The following CNTN3 variants were observed in gnomAD, a reference collection of about 807,000 sequenced individuals.
CNTN3 encodes the protein contactin-3.
A neutral mutation model predicts 119.1 loss-of-function variants in CNTN3; 60 were observed. The ratio of observed to expected loss-of-function variants is 0.50; its 90% confidence interval spans 0.41 to 0.62. CNTN3 has a LOEUF of 0.62. Among genes scored for constraint, CNTN3 ranks in the 20% least tolerant of loss-of-function variants. The pLI is 0.00. For synonymous variants in CNTN3, 450 were observed against 438.7 expected, an observed-to-expected ratio of 1.03 and a Z score of -0.32; for missense variants, 1,101 against 1,242.4, an observed-to-expected ratio of 0.89 and a Z score of 1.71.
chr3:74,445,452 C>T (rs901634601), intron 4 of CNTN3, among the ~76,000 whole-genome samples: 6 of 151,910 alleles, frequency 3.9e-5, no homozygotes, highest in Admixed American at 2.0e-4. Context: ...TTAGTAGAGA[C>T]GGGGTTTCAC....
intron 20 of CNTN3, among the ~76,000 whole-genome samples, chr3:74,283,879 A>G (rs1367361348): frequency 6.6e-6 from 1 of 152,126 alleles, no homozygotes; most frequent in Non-Finnish European, 1.5e-5. Context: ...GGTATGAAAA[A>G]CAGGTAGATT....
At chr3:74,583,639 T>C (rs1704549728) in intron 1 of CNTN3, among the ~76,000 whole-genome samples, 1 of 152,198 alleles carries the variant, frequency 6.6e-6, no homozygotes, top group South Asian at 2.1e-4. Flanking sequence ...TATACCTTTC[T>C]ATGGGTACCT....
intron 4 of CNTN3, among the ~76,000 whole-genome samples, chr3:74,452,051 G>T (rs1463879599): frequency 6.8e-6 from 1 of 146,880 alleles, no homozygotes; most frequent in African/African-American, 2.6e-5. Context: ...ATTCTGTGAA[G>T]AAAGTCATTG....
At chr3:74,591,850 T>C (rs569821080) in intron 1 of CNTN3, among the ~76,000 whole-genome samples, 3 of 151,942 alleles carry the variant, frequency 2.0e-5, no homozygotes, top group East Asian at 3.9e-4. Flanking sequence ...TGGGCCTTGG[T>C]TGGCAATGTG....
chr3:74,554,267 A>G (rs1426436132), intron 1 of CNTN3, among the ~76,000 whole-genome samples: 2 of 152,022 alleles, frequency 1.3e-5, no homozygotes, highest in South Asian at 4.2e-4. Context: ...GTTCTGTTCC[A>G]TTGGTCTATA....
intron 5 of CNTN3, among the ~76,000 whole-genome samples, chr3:74,409,641 A>T (rs755992600): frequency 2.6e-5 from 4 of 152,094 alleles, no homozygotes; most frequent in Non-Finnish European, 5.9e-5. Context: ...CCTAGAAACT[A>T]TTCTTTGGAC....
At chr3:74,268,884 G>T (rs115837969) in intron 20 of CNTN3, among the ~76,000 whole-genome samples, 2,197 of 152,054 alleles carry the variant, frequency 0.014, 56 homozygotes, top group African/African-American at 0.051. Flanking sequence ...GTGTTTGGAG[G>T]TTACAAAAAG....
Position 74,297,997 on chromosome 3 carries a change from T to C in CNTN3, c.2361A>G (p.Gly787=), listed in dbSNP as rs936542762. 8.1e-6 allele frequency: 13 copies of C among 1,613,896 alleles called. No individual in the cohort carries two copies. Among genetic ancestry groups the C allele is most frequent in the Non-Finnish European group, 1.1e-5 (13 of 1,179,926 alleles). The change falls in exon 18 of 23, where the codon GGA becomes GGG. Residue 787 remains glycine (G), a synonymous_variant. Coordinates refer to ENST00000263665, the MANE Select transcript of CNTN3 (RefSeq NM_020872.3). ...ACACTGTTGTCACTGGGCTAAATGG[T>C]CCTTCACCTTTGTTATTATAAACAC... The part of the protein sequence containing the change: ...KVGVYNNKGE[G]PFSPVTTVFS...
intron 1 of CNTN3, among the ~76,000 whole-genome samples, chr3:74,542,571 CTAACAT>C (rs993776597): frequency 4.6e-5 from 7 of 152,218 alleles, no homozygotes; most frequent in African/African-American, 1.7e-4. Flanking sequence ...ATTAAGTACA[CTAACAT>C]TAACTATTCA....
rs1704480967 is a variant in CNTN3 at position 74,580,173 on chromosome 3, C to T, written c.-81+34218G>A. Reference sequence around the variant, plus strand: ...TATAAAGAACAAATTACTTCAAAGACACAATTATCACAGTTGATGCTAGGT... The same window carrying T: ...TATAAAGAACAAATTACTTCAAAGATACAATTATCACAGTTGATGCTAGGT... On this transcript the variant is annotated intron_variant, in intron 1 of 22. Coordinates refer to ENST00000263665, the MANE Select transcript of CNTN3 (RefSeq NM_020872.3). Among the ~76,000 whole-genome samples the T allele has an allele frequency of 2.0e-5, 3 of 152,124 alleles. 1 individual carries two copies. In the South Asian group the frequency reaches 6.2e-4, roughly 32 times the overall value.
chr3:74,416,917 G>A (rs963751222), intron 5 of CNTN3, among the ~76,000 whole-genome samples: 3 of 151,934 alleles, frequency 2.0e-5, no homozygotes, highest in Non-Finnish European at 2.9e-5. Context: ...GAACCCGGGA[G>A]GTGGAGGTTG....
At chr3:74,546,496 C>A (rs1444919139) in intron 1 of CNTN3, among the ~76,000 whole-genome samples, 1 of 152,152 alleles carries the variant, frequency 6.6e-6, no homozygotes, top group African/African-American at 2.4e-5. Context: ...GCCAGCACAG[C>A]TAGAATAAAA....
At chr3:74,292,039 C>T (rs1446406908) in intron 19 of CNTN3, among the ~76,000 whole-genome samples, 2 of 152,118 alleles carry the variant, frequency 1.3e-5, no homozygotes, top group African/African-American at 2.4e-5. Context: ...TCCTGTGACC[C>T]TCCAAGAAAC....
At chr3:74,337,502 G>A (rs1703426253) in intron 11 of CNTN3, among the ~76,000 whole-genome samples, 2 of 152,070 alleles carry the variant, frequency 1.3e-5, no homozygotes, top group South Asian at 2.1e-4. Flanking sequence ...GTTCCACGTG[G>A]CTGGGGAGGC....
At chr3:74,541,439 T>C (rs1193718695) in intron 1 of CNTN3, among the ~76,000 whole-genome samples, 1 of 152,132 alleles carries the variant, frequency 6.6e-6, no homozygotes, top group Non-Finnish European at 1.5e-5. Context: ...TTTACACATC[T>C]ACCTATTCAA....
At chr3:74,319,934 C>T (rs1027732216) in intron 13 of CNTN3, among the ~76,000 whole-genome samples, 1 of 152,240 alleles carries the variant, frequency 6.6e-6, no homozygotes, top group South Asian at 2.1e-4. Flanking sequence ...CCATCACTGG[C>T]CATCGGAGAA....
chr3:74,579,554 T>C (rs1467181809), intron 1 of CNTN3, among the ~76,000 whole-genome samples: 1 of 151,960 alleles, frequency 6.6e-6, no homozygotes, highest in African/African-American at 2.4e-5. Flanking sequence ...ATCACCCAAT[T>C]GAAATAATAA....
rs1274539668 is a variant in CNTN3, at chr3:74,344,396, G to GTTTTTT, written c.1365-7739_1365-7738insAAAAAA. Among the ~76,000 whole-genome samples, 8 of 87,812 alleles carry GTTTTTT rather than the reference G, an allele frequency of 9.1e-5. 4 individuals are homozygous for GTTTTTT. The highest frequency in any genetic ancestry group is 4.7e-5 in the Non-Finnish European group (2 of 43,006). 57.6% of individuals were successfully genotyped at this position (87,812 alleles called of 152,430 possible). On this transcript the variant is annotated intron_variant, in intron 11 of 22. Transcript: ENST00000263665. ...TAGTTCATTTACAACCTTACACAGT[G>GTTTTTT]GTTTTTTTTTTTTTTTTTTTTTTTT...
chr3:74,611,476 A>G (rs935429281), intron 1 of CNTN3, among the ~76,000 whole-genome samples: 2 of 152,200 alleles, frequency 1.3e-5, no homozygotes, highest in African/African-American at 4.8e-5. Context: ...ACTGTGTTTA[A>G]GAGATGAGTG....
Sources: allele counts gnomAD v4.1 joint callset (sites outside exome capture counted in the v4.1 genomes callset), GRCh38; gene constraint gnomAD v4.1.1; transcripts MANE v1.5; gene names NCBI Gene and HGNC (gene_info 2026-07-23, HGNC 2026-07-21).